TMC7: variants seen among roughly 807,000 people sequenced by gnomAD.
TMC7 encodes the protein transmembrane channel like 7, also known as transmembrane channel-like protein 7.
A neutral mutation model predicts 82.9 loss-of-function variants in TMC7; 54 were observed. The observed-to-expected ratio is 0.65, with a 90% CI of 0.52 to 0.82. The LOEUF is 0.82. Among genes scored for constraint, TMC7 ranks in the 40% least tolerant of loss-of-function variants. TMC7 has a pLI of 0.00. For missense variants in TMC7, 820 were observed against 901.2 expected (o/e 0.91, Z 1.15); for synonymous variants, 350 against 337.9 (o/e 1.04, Z -0.39).
At chr16:18,997,338 AG>A (rs1380185216) in intron 1 of TMC7, among the ~76,000 whole-genome samples, 1 of 152,204 alleles carries the variant, frequency 6.6e-6, no homozygotes, top group Non-Finnish European at 1.5e-5. Flanking sequence ...GGCCTCTCAA[AG>A]TGCTGGGATT....
At chr16:19,040,467 G>A in intron 9 of TMC7, 21 bp downstream of exon 9, 1 of 1,601,532 alleles carries the variant, frequency 6.2e-7, no homozygotes, top group East Asian at 2.2e-5. Flanking sequence ...ACATGAAGAT[G>A]GCAGGCATGT....
intron 1 of TMC7, 120 bp from the exon 2 acceptor site, chr16:19,009,052 C>T (rs1016942422): frequency 2.7e-5 from 31 of 1,135,382 alleles, no homozygotes; most frequent in South Asian, 2.4e-4. Flanking sequence ...AAAATGCTGT[C>T]GTCACTGACC....
At chr16:18,997,438 C>T (rs776802894) in intron 1 of TMC7, among the ~76,000 whole-genome samples, 2 of 151,778 alleles carry the variant, frequency 1.3e-5, no homozygotes, top group South Asian at 2.1e-4. Flanking sequence ...GGTGTGATCT[C>T]GGCTCACTGC....
intron 12 of TMC7, among the ~76,000 whole-genome samples, chr16:19,050,085 T>TA (rs1345981491): frequency 6.6e-6 from 1 of 151,848 alleles, no homozygotes; most frequent in Non-Finnish European, 1.5e-5. Context: ...AAAAAAAACT[T>TA]AAATGGCCGG....
At chr16:19,037,400 A>G (rs1176706847) in intron 7 of TMC7, among the ~76,000 whole-genome samples, 9 of 140,832 alleles carry the variant, frequency 6.4e-5, no homozygotes, top group African/African-American at 1.0e-4. Flanking sequence ...AAAAAAAAAA[A>G]AAAGAAAGAA....
At chr16:19,056,037 T>A (rs1265352374) in intron 13 of TMC7, among the ~76,000 whole-genome samples, 1 of 152,194 alleles carries the variant, frequency 6.6e-6, no homozygotes, top group African/African-American at 2.4e-5. Flanking sequence ...AAACTGGAAG[T>A]TAGGTCTAGA....
At chr16:18,997,343 T>C (rs1030234083) in intron 1 of TMC7, among the ~76,000 whole-genome samples, 3 of 152,212 alleles carry the variant, frequency 2.0e-5, no homozygotes, top group African/African-American at 7.2e-5. Context: ...CTCAAAGTGC[T>C]GGGATTACAG....
Position 19,047,255 on chromosome 16 carries a change from G to A in TMC7, c.1740+6G>A. 2 of 1,612,370 alleles carry A rather than the reference G, an allele frequency of 1.2e-6. No homozygotes were observed. Among genetic ancestry groups the A allele is most frequent in the Middle Eastern group, 3.4e-4 (2 of 5,962 alleles). On this transcript the variant is annotated splice_donor_region_variant and intron_variant, in intron 12 of 15. Coordinates refer to ENST00000304381, the MANE Select transcript of TMC7 (RefSeq NM_024847.4). Reference sequence around the variant, plus strand: ...TCATCTTCTATGTGAAAGAGGTAAGGAGCCGGTGGGAATGGGGGCTCATAT... The same window carrying A: ...TCATCTTCTATGTGAAAGAGGTAAGAAGCCGGTGGGAATGGGGGCTCATAT...
rs1014099846 is a variant in TMC7 at position 19,035,746 on chromosome 16, T to C, written c.928T>C (p.Phe310Leu). 3.1e-6 allele frequency: 5 copies of C among 1,613,554 alleles called. No homozygotes were observed. The highest frequency in any genetic ancestry group is 1.3e-5 in the African/African-American group (1 of 74,860). The change falls in exon 7 of 16, where the codon TTT becomes CTT. Residue 310 changes from phenylalanine to leucine, a missense_variant. This residue lies in a region of TMC7 where 650 missense variants were observed against 669.9 expected (regional missense o/e 0.97). Coordinates refer to ENST00000304381, the MANE Select transcript of TMC7 (RefSeq NM_024847.4). The stretch of plus-strand genomic sequence containing the variant: ...CTTTCAGAGTTACTGCAACAAGATA[T>C]TTGCCGGCTGGGACTTCTGCATCAC... The part of the protein sequence containing the change: ...EHFQSYCNKI[F>L]AGWDFCITNR...
intron 6 of TMC7, among the ~76,000 whole-genome samples, chr16:19,033,979 A>G (rs986458259): frequency 6.6e-6 from 1 of 152,196 alleles, no homozygotes; most frequent in African/African-American, 2.4e-5. Flanking sequence ...AACCTCTTTC[A>G]TCTACAGAGG....
intron 5 of TMC7, among the ~76,000 whole-genome samples, chr16:19,028,690 C>T (rs1960348529): frequency 6.6e-6 from 1 of 151,956 alleles, no homozygotes; most frequent in Non-Finnish European, 1.5e-5. Flanking sequence ...GAGTCTCGCT[C>T]TGTTGCCCAG....
intron 2 of TMC7, among the ~76,000 whole-genome samples, chr16:19,011,949 C>T (rs1187598186): frequency 6.6e-6 from 1 of 151,936 alleles, no homozygotes; most frequent in East Asian, 1.9e-4. Context: ...CGCGACCAGC[C>T]TGGGCAATGT....
chr16:19,039,091 T>A (rs1387295441), intron 8 of TMC7, among the ~76,000 whole-genome samples: 1 of 131,680 alleles, frequency 7.6e-6, no homozygotes, highest in East Asian at 2.1e-4. Flanking sequence ...CTTTCTTTTT[T>A]CTTTTTTTTT....
intron 2 of TMC7, among the ~76,000 whole-genome samples, chr16:19,009,665 C>A (rs896318662): frequency 6.6e-6 from 1 of 151,782 alleles, no homozygotes; most frequent in Non-Finnish European, 1.5e-5. Flanking sequence ...CCAGGCCGGG[C>A]GCGGTGGCTC....
intron 13 of TMC7, among the ~76,000 whole-genome samples, chr16:19,055,575 C>T (rs1961733625): frequency 6.6e-6 from 1 of 152,184 alleles, no homozygotes; most frequent in Non-Finnish European, 1.5e-5. Context: ...CCAGGTTGGC[C>T]TCCATCTCCT....
At position 19,044,059 on chromosome 16, in the gene TMC7, A is replaced by C. The variant is rs1427887249; in HGVS notation, c.1338-825A>C. 1.1e-4 allele frequency among the ~76,000 whole-genome samples: 17 copies of C among 150,868 alleles called. 1 individual carries two copies. The highest frequency in any genetic ancestry group is 1.1e-3 in the Admixed American group (17 of 15,092). On this transcript the variant is annotated intron_variant, in intron 9 of 15. Transcript: ENST00000304381. ...TAATTTTTGTATTTTTGGTAGAGAC[A>C]GTTTCACCATGTTGACTAGGCCAGT... is the stretch of plus-strand genomic sequence containing the variant.
chr16:19,013,727 T>A (rs111677963), intron 2 of TMC7, among the ~76,000 whole-genome samples: 7,077 of 150,582 alleles, frequency 0.047, 562 homozygotes, highest in African/African-American at 0.16. Context: ...CCATGTTGGT[T>A]AGGCTCGTCT....
At chr16:19,057,081 G>T (rs573240865) in intron 14 of TMC7, among the ~76,000 whole-genome samples, 2 of 152,290 alleles carry the variant, frequency 1.3e-5, no homozygotes, top group African/African-American at 4.8e-5. Context: ...TGAGGTTGCA[G>T]TGAGCCAAGA....
chr16:19,007,438 A>G (rs1056064120), intron 1 of TMC7, among the ~76,000 whole-genome samples: 1 of 152,198 alleles, frequency 6.6e-6, no homozygotes, highest in African/African-American at 2.4e-5. Context: ...GCCACCAACG[A>G]AACCGCCCAC....
Sources: allele counts gnomAD v4.1 joint callset (sites outside exome capture counted in the v4.1 genomes callset), GRCh38; gene constraint gnomAD v4.1.1; regional missense constraint gnomAD v4.1.1; transcripts MANE v1.5; gene names NCBI Gene and HGNC (gene_info 2026-07-23, HGNC 2026-07-21).